The following ANKS1A variants were observed in gnomAD, a reference collection of about 807,000 sequenced individuals.
ANKS1A encodes the protein ankyrin repeat and SAM domain-containing protein 1A.
A neutral mutation model predicts 120.3 loss-of-function variants in ANKS1A; 55 were observed. The ratio of observed to expected loss-of-function variants is 0.46; its 90% CI spans 0.37 to 0.57. The LOEUF (loss-of-function observed/expected upper bound fraction) is 0.57, where lower values mean the gene tolerates loss of function less well. ANKS1A is among the 20% of genes least tolerant of loss of function. The pLI is 0.00. For synonymous variants in ANKS1A, 590 were observed against 604.7 expected (o/e 0.98, Z 0.36); for missense variants, 1,123 against 1,480.3 (o/e 0.76, Z 3.96).
At chr6:34,983,019 G>C in intron 5 of ANKS1A, 94 bp from the exon 6 acceptor site, 1 of 1,337,604 alleles carries the variant, frequency 7.5e-7, no homozygotes, top group Non-Finnish European at 1.1e-6. Flanking sequence ...TGTTGGCCAT[G>C]CTGCTGACAG....
At chr6:35,030,680 C>G (rs1381770087) in intron 11 of ANKS1A, among the ~76,000 whole-genome samples, 1 of 152,188 alleles carries the variant, frequency 6.6e-6, no homozygotes, top group Admixed American at 6.5e-5. Context: ...TTCTCATATC[C>G]AGCTAAAATC....
chr6:35,062,446 A>T (rs569524310), intron 13 of ANKS1A, among the ~76,000 whole-genome samples: 1 of 152,330 alleles, frequency 6.6e-6, no homozygotes, highest in South Asian at 2.1e-4. Context: ...GATAACTTAC[A>T]TTGCATTAGC....
At chr6:35,097,508 C>CAA in the ANKS1A span, among the ~76,000 whole-genome samples, 4,300 of 139,574 alleles carry the variant, frequency 0.031, 207 homozygotes, top group African/African-American at 0.1. Context: ...GACTCCGTCT[C>CAA]AAAAAAAAAA....
chr6:34,982,004 G>A lies in ANKS1A; in HGVS notation c.732+18G>A, dbSNP rs377071841. Reference sequence around the variant, plus strand: ...ACTACCAGGTAGCAGGGCGGGTGGGGGCTCCTCCAATCTCAAGAGACTCAG... The same window carrying A: ...ACTACCAGGTAGCAGGGCGGGTGGGAGCTCCTCCAATCTCAAGAGACTCAG... On this transcript the variant is annotated intron_variant, in intron 4 of 23. Transcript: ENST00000360359. This position sits in a 1 kb window ranked among gnomAD's most constrained non-coding sequence, Gnocchi z 4.9. The A allele has an allele frequency of 4.3e-6, 7 of 1,611,918 alleles. No homozygotes were observed. The African/African-American group carries it at 6.7e-5, about 15-fold the overall frequency.
At chr6:35,052,277 G>A (rs149974415) in intron 11 of ANKS1A, among the ~76,000 whole-genome samples, 183 of 149,200 alleles carry the variant, frequency 1.2e-3, no homozygotes, top group Non-Finnish European at 2.0e-3. Context: ...ATGAAACCCC[G>A]CCTTTACAAA....
intron 1 of ANKS1A, among the ~76,000 whole-genome samples, chr6:34,957,305 A>G (rs1299880695): frequency 3.3e-5 from 5 of 152,202 alleles, no homozygotes; most frequent in Non-Finnish European, 7.3e-5. Context: ...GAAGATTACA[A>G]GCTTCTCTGA....
Position 35,082,055 on chromosome 6 carries a change from G to C in ANKS1A, c.2710-636G>C, listed in dbSNP as rs1777712681. 6.6e-6 allele frequency among the ~76,000 whole-genome samples: 1 copy of C among 152,200 alleles called. No individual in the cohort carries two copies. Among genetic ancestry groups the C allele is most frequent in the South Asian group, 2.1e-4 (1 of 4,824 alleles). The stretch of plus-strand genomic sequence containing the variant: ...ACATTGTCCAGCAATTCCGGTTGCT[G>C]TTGAGAGGCTCTGCGCACTGCTGGG... On this transcript the variant is annotated intron_variant, in intron 17 of 23. Transcript: ENST00000360359. The surrounding 1 kb of genome is among the most constrained non-coding windows in gnomAD (Gnocchi z 4.1).
At chr6:35,063,963 G>A (rs951955758) in intron 13 of ANKS1A, among the ~76,000 whole-genome samples, 1 of 152,222 alleles carries the variant, frequency 6.6e-6, no homozygotes, top group Non-Finnish European at 1.5e-5. Flanking sequence ...GAGATGGTGG[G>A]ACTTGGAAAG....
chr6:34,981,224 A>C (rs1031836376), intron 3 of ANKS1A, among the ~76,000 whole-genome samples: 1 of 152,202 alleles, frequency 6.6e-6, no homozygotes, highest in Non-Finnish European at 1.5e-5. Flanking sequence ...CAGATGAAAA[A>C]CTTTTATTAA....
At chr6:34,976,706 A>G (rs1240757013) in intron 3 of ANKS1A, among the ~76,000 whole-genome samples, 1 of 151,940 alleles carries the variant, frequency 6.6e-6, no homozygotes, top group Non-Finnish European at 1.5e-5. Context: ...GCCATGAACT[A>G]TGGTACACTC....
chr6:35,051,401 G>T (rs1775956611), intron 11 of ANKS1A, among the ~76,000 whole-genome samples: 1 of 152,090 alleles, frequency 6.6e-6, no homozygotes, highest in Admixed American at 6.5e-5. Flanking sequence ...GGCCAGCTGG[G>T]GCTTCGGATG....
intron 10 of ANKS1A, among the ~76,000 whole-genome samples, chr6:35,008,704 T>TA (rs1773590006): frequency 6.6e-6 from 1 of 150,434 alleles, no homozygotes; most frequent in African/African-American, 2.5e-5. Flanking sequence ...ACATGTATAT[T>TA]ATGCATTTAT....
At chr6:34,932,936 C>T (rs1769063439) in intron 1 of ANKS1A, among the ~76,000 whole-genome samples, 2 of 152,178 alleles carry the variant, frequency 1.3e-5, no homozygotes, top group African/African-American at 2.4e-5. Context: ...GTGGCTGTAT[C>T]ATTTTACAAT....
At chr6:35,075,884 C>T (rs1331523364) in intron 13 of ANKS1A, among the ~76,000 whole-genome samples, 1 of 152,102 alleles carries the variant, frequency 6.6e-6, no homozygotes, top group Admixed American at 6.6e-5. Context: ...ACCCAGCTTT[C>T]CAAGTAGCTG....
At chr6:34,978,575 G>A (rs1771731295) in intron 3 of ANKS1A, among the ~76,000 whole-genome samples, 1 of 152,092 alleles carries the variant, frequency 6.6e-6, no homozygotes, top group African/African-American at 2.4e-5. Flanking sequence ...GGAGGCCGAG[G>A]CGGGCAGATC....
At chr6:35,007,465 C>G (rs143196761) in intron 10 of ANKS1A, among the ~76,000 whole-genome samples, 2 of 152,276 alleles carry the variant, frequency 1.3e-5, no homozygotes, top group African/African-American at 4.8e-5. Flanking sequence ...CAAGCATAAC[C>G]AAGAGCAGTG....
chr6:34,909,557 G>T (rs901281365), intron 1 of ANKS1A, among the ~76,000 whole-genome samples: 4 of 152,224 alleles, frequency 2.6e-5, no homozygotes, highest in African/African-American at 9.6e-5. Flanking sequence ...AGAACCAAAA[G>T]ATAATGGCAA....
intron 9 of ANKS1A, among the ~76,000 whole-genome samples, chr6:34,993,174 C>T (rs926941362): frequency 6.6e-6 from 1 of 152,296 alleles, no homozygotes; most frequent in Middle Eastern, 3.4e-3. Flanking sequence ...TTAATACTAG[C>T]TTATTCTTAT....
the ANKS1A span, among the ~76,000 whole-genome samples, chr6:35,096,674 A>G: frequency 1.3e-5 from 2 of 152,210 alleles, no homozygotes; most frequent in African/African-American, 2.4e-5. Context: ...GATCTAAAAT[A>G]CCAGTCCAGA....
Sources: gnomAD v4.1 joint callset for allele counts (sites outside exome capture counted in the v4.1 genomes callset) on GRCh38, gnomAD v4.1.1 for gene constraint, Gnocchi (gnomAD v3.1) non-coding constraint, MANE v1.5 for transcripts, NCBI Gene and HGNC (gene_info 2026-07-23, HGNC 2026-07-21) for gene names.